STAU1: variants seen among roughly 807,000 people sequenced by gnomAD.
The protein encoded by STAU1 is staufen double-stranded RNA binding protein 1.
Under a neutral mutation model 62.9 loss-of-function variants are expected in STAU1, and 13 were observed. That is an observed-to-expected ratio of 0.21 (90% CI 0.13 to 0.33). STAU1 has a LOEUF of 0.33. Among genes scored for constraint, STAU1 ranks in the 10% least tolerant of loss-of-function variants. STAU1 has a pLI of 1.00. For missense variants in STAU1, 571 were observed against 712.1 expected (o/e 0.80, Z 2.25); for synonymous variants, 269 against 265.1 (o/e 1.01, Z -0.14).
intron 2 of STAU1, among the ~76,000 whole-genome samples, chr20:49,173,446 C>T (rs1426439923): frequency 6.6e-6 from 1 of 152,120 alleles, no homozygotes; most frequent in East Asian, 1.9e-4. Context: ...AGCGAAACTC[C>T]GTTTCAGAAA....
At position 49,114,770 on chromosome 20, in the gene STAU1, G is replaced by A. The variant is rs571207743; in HGVS notation, c.*108C>T. ...CTGCTGCCCACATCCTTTACCCACC[G>A]TGTCTCTCGGCCCACTGGAGGTATC... On this transcript the variant is annotated 3_prime_UTR_variant, in exon 14 of 14. Coordinates refer to ENST00000371856, the MANE Select transcript of STAU1 (RefSeq NM_017453.4). 44 of 1,028,602 alleles carry A rather than the reference G, an allele frequency of 4.3e-5. No homozygotes were observed. The highest frequency in any genetic ancestry group is 1.8e-4 in the African/African-American group (11 of 62,738). The allele number at this position is 1,028,602 out of a possible 1,614,324, so 63.7% of individuals were successfully genotyped here. A position where few individuals can be genotyped will look rare whatever the true frequency, so the allele number is the denominator to read the frequency against.
chr20:49,211,369 T>TTC, the STAU1 span, among the ~76,000 whole-genome samples: 1 of 105,610 alleles, frequency 9.5e-6, no homozygotes, highest in African/African-American at 2.9e-5. Flanking sequence ...ATAGTAATTC[T>TTC]TTTTTTTTTT....
chr20:49,132,516 T>C (rs1034646096), intron 6 of STAU1, among the ~76,000 whole-genome samples: 3 of 152,166 alleles, frequency 2.0e-5, no homozygotes, highest in African/African-American at 4.8e-5. Context: ...CCCATCACTT[T>C]AGGAGATCAA....
intron 1 of STAU1, 36 bp downstream of exon 1, chr20:49,188,080 G>A (rs1235491631): frequency 1.3e-5 from 2 of 151,290 alleles, no homozygotes; most frequent in East Asian, 3.9e-4. Context: ...CGCCCGCGAG[G>A]GCCCCACCAG....
intron 1 of STAU1, 73 bp downstream of exon 1, chr20:49,188,043 C>T (rs1178995587): frequency 1.3e-5 from 2 of 151,422 alleles, no homozygotes; most frequent in Non-Finnish European, 2.9e-5. Context: ...TAGGCCCCAC[C>T]CGCCGCCCAC....
the STAU1 span, among the ~76,000 whole-genome samples, chr20:49,203,907 G>A: frequency 2.6e-5 from 4 of 152,132 alleles, no homozygotes; most frequent in Admixed American, 6.6e-5. Flanking sequence ...GACTGGTCTC[G>A]AAATCCTGAC....
the STAU1 span, among the ~76,000 whole-genome samples, chr20:49,214,347 G>A: frequency 1.8e-4 from 27 of 152,138 alleles, no homozygotes; most frequent in African/African-American, 6.0e-4. Flanking sequence ...GTGAAAACCC[G>A]TCACTACTAA....
At chr20:49,166,387 T>C (rs1193884997) in intron 2 of STAU1, 102 bp from the exon 3 acceptor site, 12 of 587,564 alleles carry the variant, frequency 2.0e-5, no homozygotes, top group Non-Finnish European at 2.7e-5. Flanking sequence ...CTTATGAAAA[T>C]AGCTCCATTT....
At chr20:49,119,850 A>G in intron 9 of STAU1, 132 bp downstream of exon 9, 2 of 1,106,272 alleles carry the variant, frequency 1.8e-6, no homozygotes, top group South Asian at 3.3e-5. Flanking sequence ...AATGGATGAG[A>G]CACTCCTCAG....
chr20:49,126,563 G>A (rs1361214234), intron 6 of STAU1, among the ~76,000 whole-genome samples: 6 of 7,834 alleles, frequency 7.7e-4, no homozygotes, highest in East Asian at 1.2e-3. Context: ...GCAAAACCTC[G>A]TCTCAAAAAG....
upstream of STAU1, among the ~76,000 whole-genome samples, chr20:49,192,162 T>C (rs2093832152): frequency 1.3e-5 from 2 of 151,540 alleles, no homozygotes; most frequent in African/African-American, 4.9e-5. Flanking sequence ...CTGGCTAACA[T>C]GGTGAAACCC....
Position 49,134,392 on chromosome 20 carries a change from T to C in STAU1, c.609+1441A>G, listed in dbSNP as rs1195971034. ...GTTGCAGTGAGCCGAGAACACACCA[T>C]TGCACTACAGCCTGGGCGACAAGAG... On this transcript the variant is annotated intron_variant, in intron 6 of 13. Coordinates refer to ENST00000371856, the MANE Select transcript of STAU1 (RefSeq NM_017453.4). 14 of 496,706 alleles carry C rather than the reference T, an allele frequency of 2.8e-5. No individual in the cohort carries two copies. In the Admixed American group the frequency reaches 3.2e-4, roughly 11 times the overall value. The allele number at this position is 496,706 out of a possible 1,614,324, so 30.8% of individuals were successfully genotyped here. A position where few individuals can be genotyped will look rare whatever the true frequency, so the allele number is the denominator to read the frequency against.
chr20:49,211,283 C>T, the STAU1 span, among the ~76,000 whole-genome samples: 6 of 151,716 alleles, frequency 4.0e-5, no homozygotes, highest in African/African-American at 9.7e-5. Context: ...TGTGAACACT[C>T]GTGTACAAGG....
intron 1 of STAU1, among the ~76,000 whole-genome samples, chr20:49,187,385 C>T (rs1323125576): frequency 6.6e-6 from 1 of 152,152 alleles, no homozygotes; most frequent in Non-Finnish European, 1.5e-5. Flanking sequence ...AAAACAATGC[C>T]CTGGCTCTGG....
At chr20:49,216,570 T>C in the STAU1 span, among the ~76,000 whole-genome samples, 1 of 151,452 alleles carries the variant, frequency 6.6e-6, no homozygotes, top group African/African-American at 2.4e-5. Flanking sequence ...ACTCTCAAAA[T>C]AAAAAAAATG....
chr20:49,206,537 T>C, the STAU1 span, among the ~76,000 whole-genome samples: 1 of 130,318 alleles, frequency 7.7e-6, no homozygotes, highest in African/African-American at 2.9e-5. Flanking sequence ...TGAGACAGGG[T>C]CTTGCTCTGT....
At chr20:49,190,972 C>G (rs2093830465), upstream of STAU1, among the ~76,000 whole-genome samples, 2 of 141,138 alleles carry the variant, frequency 1.4e-5, no homozygotes, top group Admixed American at 7.3e-5. Context: ...ATGGTGTGAT[C>G]TCGGCTCTCT....
intron 3 of STAU1, chr20:49,159,115 T>C (rs1431695851): frequency 5.4e-6 from 6 of 1,119,684 alleles, no homozygotes; most frequent in Non-Finnish European, 6.7e-6. Context: ...TCTTGGTGAT[T>C]GTCTCATGGA....
At chr20:49,208,651 G>A in the STAU1 span, among the ~76,000 whole-genome samples, 1 of 148,430 alleles carries the variant, frequency 6.7e-6, no homozygotes, top group East Asian at 2.0e-4. Flanking sequence ...ACAGAGTCTC[G>A]CTCTGTCGCC....
Sources: allele counts gnomAD v4.1 joint callset (sites outside exome capture counted in the v4.1 genomes callset), GRCh38; gene constraint gnomAD v4.1.1; transcripts MANE v1.5; gene names NCBI Gene and HGNC (gene_info 2026-07-23, HGNC 2026-07-21).